SGPP2: variants seen among roughly 807,000 people sequenced by gnomAD.
The protein encoded by SGPP2 is sphingosine-1-phosphate phosphatase 2.
SGPP2 carries 30 observed loss-of-function variants against 33.9 expected under a neutral mutation model. That is an observed-to-expected ratio of 0.89 (90% CI 0.66 to 1.20). The LOEUF is 1.20. Among genes scored for constraint, SGPP2 ranks in the 50% most tolerant of loss-of-function variants. The pLI is 0.00. For synonymous variants in SGPP2, 233 were observed against 225.0 expected, an observed-to-expected ratio of 1.04 and a Z score of -0.32; for missense variants, 458 against 532.1, an observed-to-expected ratio of 0.86 and a Z score of 1.37.
At chr2:222,433,416 G>A (rs1470819999) in intron 1 of SGPP2, among the ~76,000 whole-genome samples, 5 of 152,186 alleles carry the variant, frequency 3.3e-5, no homozygotes, top group Admixed American at 6.5e-5. Context: ...CAAGTAGGTC[G>A]TTATTTCTCT....
At chr2:222,466,213 T>C (rs1328111417) in intron 1 of SGPP2, among the ~76,000 whole-genome samples, 2 of 151,696 alleles carry the variant, frequency 1.3e-5, no homozygotes, top group Non-Finnish European at 2.9e-5. Flanking sequence ...ATGTTCTATG[T>C]AGACATGGCC....
intron 1 of SGPP2, among the ~76,000 whole-genome samples, chr2:222,455,097 T>C (rs1405535257): frequency 2.0e-5 from 3 of 151,998 alleles, no homozygotes; most frequent in African/African-American, 7.3e-5. Context: ...AGGCTGGTCA[T>C]GGTGGCATAC....
rs1383590595 is a variant in SGPP2, at chr2:222,560,580, A to G, written c.*1682A>G. On this transcript the variant is annotated 3_prime_UTR_variant, in exon 5 of 5. Coordinates refer to ENST00000321276, the MANE Select transcript of SGPP2 (RefSeq NM_152386.4). ...AACTTTCTTTAAAGTTAGTGTAACT[A>G]TAGTTAACAAAGTATCCATTGAAGT... 4 of 152,338 alleles carry G rather than the reference A, an allele frequency of 2.6e-5. No homozygotes were observed. The East Asian group carries it at 5.8e-4, about 22-fold the overall frequency. 9.4% of individuals were successfully genotyped at this position (152,338 alleles called of 1,614,324 possible). A position where few individuals can be genotyped will look rare whatever the true frequency, so the allele number is the denominator to read the frequency against.
At chr2:222,498,542 C>T (rs1698318415) in intron 2 of SGPP2, 1 of 151,696 alleles carries the variant, frequency 6.6e-6, no homozygotes, top group Admixed American at 6.6e-5. Context: ...ATGTTGTATT[C>T]CGAACATTTA....
intron 1 of SGPP2, among the ~76,000 whole-genome samples, chr2:222,450,363 C>T (rs1697465193): frequency 1.3e-5 from 2 of 152,176 alleles, no homozygotes; most frequent in Admixed American, 1.3e-4. Flanking sequence ...AGCAGCATAG[C>T]CATTTGTGGA....
intron 1 of SGPP2, among the ~76,000 whole-genome samples, chr2:222,450,117 A>G (rs184826182): frequency 2.0e-5 from 3 of 152,230 alleles, no homozygotes; most frequent in African/African-American, 7.2e-5. Context: ...TGAAATATAG[A>G]CTGTGTTCTG....
intron 2 of SGPP2, among the ~76,000 whole-genome samples, chr2:222,474,972 T>C (rs1333556750): frequency 6.6e-6 from 1 of 152,178 alleles, no homozygotes; most frequent in African/African-American, 2.4e-5. Flanking sequence ...TAATGATGCC[T>C]ACATCTTTGC....
At chr2:222,519,831 G>A (rs917368927) in intron 2 of SGPP2, among the ~76,000 whole-genome samples, 2 of 152,232 alleles carry the variant, frequency 1.3e-5, no homozygotes, top group East Asian at 3.9e-4. Flanking sequence ...CCATGTTGTT[G>A]CAAGAACATG....
At chr2:222,473,176 T>C (rs1292020755) in intron 1 of SGPP2, among the ~76,000 whole-genome samples, 1 of 152,202 alleles carries the variant, frequency 6.6e-6, no homozygotes, top group Non-Finnish European at 1.5e-5. Flanking sequence ...TCTTTCATAA[T>C]CTTTGCAAAA....
chr2:222,556,155 ATTAAG>A (rs1158118001), intron 4 of SGPP2, among the ~76,000 whole-genome samples: 2 of 152,194 alleles, frequency 1.3e-5, no homozygotes, highest in African/African-American at 2.4e-5. Context: ...GCAGCTGCAC[ATTAAG>A]TTGAGAGACT....
At chr2:222,458,114 G>C (rs1156557762) in intron 1 of SGPP2, among the ~76,000 whole-genome samples, 6 of 152,128 alleles carry the variant, frequency 3.9e-5, no homozygotes, top group Non-Finnish European at 7.4e-5. Context: ...GCAGTGGAGA[G>C]ATCATGGCTC....
intron 2 of SGPP2, among the ~76,000 whole-genome samples, chr2:222,511,238 G>C (rs529470333): frequency 6.6e-6 from 1 of 152,152 alleles, no homozygotes; most frequent in Non-Finnish European, 1.5e-5. Flanking sequence ...CATATTGACC[G>C]CATTGGTTCC....
chr2:222,433,154 T>C (rs1178474308), intron 1 of SGPP2, among the ~76,000 whole-genome samples: 1 of 151,782 alleles, frequency 6.6e-6, no homozygotes. Context: ...AATTTCTGAA[T>C]GGAAAAAGAA....
intron 2 of SGPP2, among the ~76,000 whole-genome samples, chr2:222,478,105 G>A (rs994444138): frequency 4.7e-5 from 7 of 149,642 alleles, no homozygotes; most frequent in African/African-American, 1.7e-4. Context: ...GGCAGTGTGA[G>A]AAGCGTAAGG....
chr2:222,468,028 A>T lies in SGPP2; in HGVS notation c.220-6540A>T, dbSNP rs146040321. 4.9e-3 allele frequency among the ~76,000 whole-genome samples: 727 copies of T among 148,160 alleles called. 4 individuals are homozygous for T. The highest frequency in any genetic ancestry group is 0.028 in the Middle Eastern group (8 of 284). On this transcript the variant is annotated intron_variant, in intron 1 of 4. Coordinates refer to ENST00000321276, the MANE Select transcript of SGPP2 (RefSeq NM_152386.4). ...CAACCTTGCAATGACATTGGTCTAC[A>T]GTTTATCAAATTCTTTAAAGACCTC...
chr2:222,521,763 G>C lies in SGPP2; in HGVS notation c.379-4G>C. ...AGACTTACCTCAGTCCTTTGGTTTTGCAGTTGGTGATGTATATTGGCCAAG... is the reference window on the plus strand; with the variant it reads ...AGACTTACCTCAGTCCTTTGGTTTTCCAGTTGGTGATGTATATTGGCCAAG... On this transcript the variant is annotated splice_polypyrimidine_tract_variant and splice_region_variant and intron_variant, in intron 2 of 4. Transcript: ENST00000321276. 6.3e-7 allele frequency: 1 copy of C among 1,595,936 alleles called. No individual in the cohort carries two copies.
At chr2:222,431,298 C>T (rs921811515) in intron 1 of SGPP2, among the ~76,000 whole-genome samples, 4 of 151,936 alleles carry the variant, frequency 2.6e-5, no homozygotes, top group African/African-American at 9.7e-5. Flanking sequence ...TGAAGTCAGG[C>T]ATTCAAGACC....
At chr2:222,438,301 G>A (rs1442119269) in intron 1 of SGPP2, among the ~76,000 whole-genome samples, 9 of 152,218 alleles carry the variant, frequency 5.9e-5, no homozygotes, top group Non-Finnish European at 1.3e-4. Context: ...CCTCTGGCAC[G>A]CAAATGTCTC....
chr2:222,534,187 A>C (rs1180820543), intron 4 of SGPP2, among the ~76,000 whole-genome samples: 1 of 152,234 alleles, frequency 6.6e-6, no homozygotes, highest in Non-Finnish European at 1.5e-5. Context: ...AAGAAGGCTC[A>C]TCATACTATA....
Sources: allele counts gnomAD v4.1 joint callset (sites outside exome capture counted in the v4.1 genomes callset), GRCh38; gene constraint gnomAD v4.1.1; transcripts MANE v1.5; gene names NCBI Gene and HGNC (gene_info 2026-07-23, HGNC 2026-07-21).